RBFOX1: variants seen among roughly 807,000 people sequenced by gnomAD.
RBFOX1 encodes the protein RNA binding protein fox-1 homolog 1.
A neutral mutation model predicts 57.7 loss-of-function variants in RBFOX1; 8 were observed. The observed-to-expected ratio is 0.14, with a 90% CI of 0.08 to 0.25. The LOEUF (loss-of-function observed/expected upper bound fraction) is 0.25, where lower values mean the gene tolerates loss of function less well. Among genes scored for constraint, RBFOX1 ranks in the 10% least tolerant of loss-of-function variants. RBFOX1 has a pLI of 1.00. For synonymous variants in RBFOX1, 326 were observed against 222.4 expected (o/e 1.47, Z -4.15); for missense variants, 611 against 548.5 (o/e 1.11, Z -1.14).
chr16:6,633,846 AAAAAAT>A (rs1481694565), intron 2 of RBFOX1, among the ~76,000 whole-genome samples: 4 of 152,070 alleles, frequency 2.6e-5, no homozygotes, highest in Admixed American at 2.0e-4. Context: ...TATCTCTATA[AAAAAAT>A]AAAAATAAAT....
intron 1 of RBFOX1, among the ~76,000 whole-genome samples, chr16:6,193,892 T>G (rs1223950913): frequency 6.6e-6 from 1 of 152,156 alleles, no homozygotes; most frequent in Non-Finnish European, 1.5e-5. Flanking sequence ...TTGCATTGCC[T>G]CATCTTCCTG....
At chr16:7,005,253 C>A (rs1441713580) in intron 3 of RBFOX1, among the ~76,000 whole-genome samples, 2 of 152,124 alleles carry the variant, frequency 1.3e-5, no homozygotes, top group African/African-American at 4.8e-5. Flanking sequence ...ATAGCTTTCC[C>A]CTTACCTTTC....
At chr16:6,762,761 A>G (rs1265039650) in intron 3 of RBFOX1, among the ~76,000 whole-genome samples, 1 of 151,322 alleles carries the variant, frequency 6.6e-6, no homozygotes, top group East Asian at 2.0e-4. Context: ...CCTTACCCCA[A>G]GGGGATAGGG....
chr16:5,719,400 C>A (rs1044168869), intron 3 of RBFOX1, among the ~76,000 whole-genome samples: 3 of 150,544 alleles, frequency 2.0e-5, no homozygotes, highest in Non-Finnish European at 4.4e-5. Context: ...TTAGTAGACA[C>A]GGGGTTTCAC....
intron 3 of RBFOX1, among the ~76,000 whole-genome samples, chr16:5,809,026 A>G (rs1421095502): frequency 6.6e-6 from 1 of 152,180 alleles, no homozygotes; most frequent in Non-Finnish European, 1.5e-5. Flanking sequence ...CTGCGTATCT[A>G]CAACTATCTG....
At chr16:6,348,234 C>G (rs886267470) in intron 2 of RBFOX1, among the ~76,000 whole-genome samples, 2 of 152,200 alleles carry the variant, frequency 1.3e-5, no homozygotes, top group Non-Finnish European at 2.9e-5. Context: ...CACACTCCAG[C>G]TCCACTGTTT....
At chr16:7,636,339 G>T (rs1482148826) in intron 11 of RBFOX1, among the ~76,000 whole-genome samples, 2 of 152,140 alleles carry the variant, frequency 1.3e-5, no homozygotes, top group Admixed American at 1.3e-4. Context: ...TCCTATTAAT[G>T]ATCACCGTCT....
At chr16:6,129,546 A>C (rs1204231039) in intron 1 of RBFOX1, among the ~76,000 whole-genome samples, 1 of 152,104 alleles carries the variant, frequency 6.6e-6, no homozygotes, top group Non-Finnish European at 1.5e-5. Context: ...AAGTAGTCTG[A>C]TATATCTGTG....
intron 3 of RBFOX1, among the ~76,000 whole-genome samples, chr16:6,673,159 T>G (rs565967900): frequency 6.6e-6 from 1 of 152,202 alleles, no homozygotes; most frequent in Non-Finnish European, 1.5e-5. Flanking sequence ...ATGTCTACAC[T>G]TCCCAGGCTC....
At chr16:6,626,812 G>T (rs972340379) in intron 2 of RBFOX1, among the ~76,000 whole-genome samples, 1 of 152,032 alleles carries the variant, frequency 6.6e-6, no homozygotes, top group South Asian at 2.1e-4. Flanking sequence ...ATAGAATTCA[G>T]TTTATCACCA....
chr16:7,505,715 T>A (rs2073052331), intron 4 of RBFOX1, among the ~76,000 whole-genome samples: 1 of 152,172 alleles, frequency 6.6e-6, no homozygotes, highest in African/African-American at 2.4e-5. Flanking sequence ...GAGGCTGGTG[T>A]TTGTCAGCCA....
At chr16:6,869,381 C>T (rs73538590) in intron 3 of RBFOX1, among the ~76,000 whole-genome samples, 9,389 of 152,056 alleles carry the variant, frequency 0.062, 1,019 homozygotes, top group African/African-American at 0.21. Context: ...GAGAAAGAGT[C>T]AAACATGGGT....
intron 14 of RBFOX1, among the ~76,000 whole-genome samples, chr16:7,699,049 G>C (rs943841364): frequency 6.6e-6 from 1 of 152,180 alleles, no homozygotes; most frequent in Non-Finnish European, 1.5e-5. Flanking sequence ...TGCAGAGCCT[G>C]TTTTGTCGCC....
intron 3 of RBFOX1, among the ~76,000 whole-genome samples, chr16:6,665,481 C>T (rs775217657): frequency 1.3e-5 from 2 of 151,980 alleles, no homozygotes; most frequent in Admixed American, 6.6e-5. Flanking sequence ...AAATATTAGC[C>T]AGGCATAGTG....
chr16:6,619,536 C>G (rs1166967483), intron 2 of RBFOX1, among the ~76,000 whole-genome samples: 2 of 152,060 alleles, frequency 1.3e-5, no homozygotes, highest in Non-Finnish European at 2.9e-5. Context: ...GTAAACTCAG[C>G]TTAAGCAAAA....
chr16:6,210,260 G>A (rs1038424940), intron 1 of RBFOX1, among the ~76,000 whole-genome samples: 2 of 143,344 alleles, frequency 1.4e-5, no homozygotes, highest in African/African-American at 5.2e-5. Flanking sequence ...AGAAATTGCA[G>A]TAAGCTGAGA....
intron 1 of RBFOX1, among the ~76,000 whole-genome samples, chr16:5,434,925 T>G (rs182703594): frequency 1.1e-3 from 173 of 152,282 alleles, no homozygotes; most frequent in African/African-American, 3.7e-3. Context: ...AATTTAAGGC[T>G]GTAGCATTTC....
intron 1 of RBFOX1, among the ~76,000 whole-genome samples, chr16:5,386,788 C>T (rs2066270849): frequency 1.3e-5 from 2 of 152,208 alleles, no homozygotes; most frequent in Non-Finnish European, 1.5e-5. Flanking sequence ...TGGTGGCTCA[C>T]ACCTGTAACC....
In RBFOX1 at chr16:7,695,593, A is replaced by C. The variant is rs374590107; in HGVS notation, c.996-13463A>C. Among the ~76,000 whole-genome samples, 28 of 146,904 alleles carry C rather than the reference A, an allele frequency of 1.9e-4. No homozygotes were observed. The East Asian group carries it at 5.0e-3, about 26-fold the overall frequency. On this transcript the variant is annotated intron_variant, in intron 14 of 15. Coordinates refer to ENST00000550418, the MANE Select transcript of RBFOX1 (RefSeq NM_018723.4). ...CTTGAACTGGGGAGGCGGAGGTTGC[A>C]GTGAGCAGAGACTGCGCCACTGCAC... is the stretch of plus-strand genomic sequence containing the variant.
Sources: gnomAD v4.1 joint callset for allele counts (sites outside exome capture counted in the v4.1 genomes callset) on GRCh38, gnomAD v4.1.1 for gene constraint, MANE v1.5 for transcripts, NCBI Gene and HGNC (gene_info 2026-07-23, HGNC 2026-07-21) for gene names.